The following ADGRB3 variants were observed in gnomAD, a reference collection of about 807,000 sequenced individuals.
ADGRB3 encodes the protein adhesion G protein-coupled receptor B3, also known as brain-specific angiogenesis inhibitor 3.
In ADGRB3, 37 loss-of-function variants were observed where a neutral mutation model predicts 193.4. The observed-to-expected ratio is 0.19, with a 90% CI of 0.15 to 0.25. ADGRB3 has a LOEUF of 0.25. Ranked by LOEUF, ADGRB3 falls within the 10% of genes least tolerant of loss-of-function variation. The probability of loss-of-function intolerance (pLI) is 1.00; values close to 1 mark genes in which losing one functional copy is unlikely to be tolerated. For missense variants in ADGRB3, 1,637 were observed against 1,852.9 expected (o/e 0.88, Z 2.14); for synonymous variants, 690 against 644.2 (o/e 1.07, Z -1.08).
intron 3 of ADGRB3, among the ~76,000 whole-genome samples, chr6:68,833,359 A>G (rs905478626): frequency 1.3e-5 from 2 of 151,744 alleles, no homozygotes; most frequent in Admixed American, 6.6e-5. Flanking sequence ...TACAAATATT[A>G]TAGTTCTTTA....
intron 3 of ADGRB3, among the ~76,000 whole-genome samples, chr6:68,724,213 C>T (rs1028064748): frequency 6.6e-6 from 1 of 151,384 alleles, no homozygotes; most frequent in African/African-American, 2.4e-5. Flanking sequence ...AAATACTTTC[C>T]AGGGTCATGT....
intron 17 of ADGRB3, among the ~76,000 whole-genome samples, chr6:69,128,490 C>T (rs774031840): frequency 2.0e-5 from 3 of 152,066 alleles, no homozygotes; most frequent in Non-Finnish European, 4.4e-5. Context: ...TACATAGTAA[C>T]TGTAATCATA....
At chr6:69,322,703 A>G (rs777804037) in intron 20 of ADGRB3, among the ~76,000 whole-genome samples, 19 of 151,090 alleles carry the variant, frequency 1.3e-4, no homozygotes, top group Non-Finnish European at 2.5e-4. Context: ...CTTTTTTTCT[A>G]TTTTTCAAGA....
At chr6:68,876,611 A>G (rs1040851299) in intron 3 of ADGRB3, among the ~76,000 whole-genome samples, 12 of 152,138 alleles carry the variant, frequency 7.9e-5, no homozygotes, top group Non-Finnish European at 1.5e-5. Flanking sequence ...TGACCAAAAT[A>G]TTTTGTTTTC....
At chr6:68,918,526 T>C (rs1766943267) in intron 3 of ADGRB3, among the ~76,000 whole-genome samples, 1 of 152,200 alleles carries the variant, frequency 6.6e-6, no homozygotes, top group Non-Finnish European at 1.5e-5. Flanking sequence ...ATCAAGGTGC[T>C]CCCAAATTCT....
At chr6:68,680,051 T>G (rs1764859066) in intron 3 of ADGRB3, among the ~76,000 whole-genome samples, 1 of 152,080 alleles carries the variant, frequency 6.6e-6, no homozygotes, top group Non-Finnish European at 1.5e-5. Context: ...TTTCACTATG[T>G]GAGGACATAG....
intron 16 of ADGRB3, among the ~76,000 whole-genome samples, chr6:69,069,402 C>G (rs1440800051): frequency 6.6e-6 from 1 of 151,552 alleles, no homozygotes; most frequent in Non-Finnish European, 1.5e-5. Context: ...CTACTAATGT[C>G]TTGCTTCCCT....
At chr6:68,945,803 A>T (rs1463787471) in intron 6 of ADGRB3, among the ~76,000 whole-genome samples, 1 of 152,162 alleles carries the variant, frequency 6.6e-6, no homozygotes, top group Non-Finnish European at 1.5e-5. Context: ...GCTATGTTAC[A>T]GTTCAGATGT....
At chr6:69,315,543 T>C (rs1202320382) in intron 20 of ADGRB3, among the ~76,000 whole-genome samples, 2 of 151,514 alleles carry the variant, frequency 1.3e-5, no homozygotes, top group African/African-American at 2.4e-5. Context: ...ATTTTTAGTC[T>C]GCAAGAACTG....
intron 11 of ADGRB3, among the ~76,000 whole-genome samples, chr6:69,003,628 T>C (rs1769650348): frequency 6.6e-6 from 1 of 152,154 alleles, no homozygotes; most frequent in South Asian, 2.1e-4. Context: ...TGTTTCTCTG[T>C]GGTATAGAAA....
rs138545722 is a variant in ADGRB3 at position 69,382,584 on chromosome 6, T to C, written c.4276-247T>C. Among the ~76,000 whole-genome samples the C allele has an allele frequency of 4.2e-3, 642 of 152,042 alleles. 4 individuals carry two copies. The highest frequency in any genetic ancestry group is 5.4e-3 in the Non-Finnish European group (369 of 67,892). On this transcript the variant is annotated intron_variant, in intron 30 of 31. Coordinates refer to ENST00000370598, the MANE Select transcript of ADGRB3 (RefSeq NM_001704.3). The stretch of plus-strand genomic sequence containing the variant: ...AGAAATGACTGGTACATTTTTAATG[T>C]ACCCACAACAAAACCTTTTTTTTGT...
chr6:69,200,928 C>G (rs1217730659), intron 17 of ADGRB3, among the ~76,000 whole-genome samples: 6 of 152,048 alleles, frequency 3.9e-5, no homozygotes, highest in Non-Finnish European at 8.8e-5. Flanking sequence ...ATCCATCTTT[C>G]TATCATTATT....
chr6:69,118,064 G>T (rs1339276789), intron 17 of ADGRB3, among the ~76,000 whole-genome samples: 1 of 152,116 alleles, frequency 6.6e-6, no homozygotes, highest in African/African-American at 2.4e-5. Context: ...AATAAGAGCT[G>T]CTCTAGAAAT....
chr6:69,352,923 A>G lies in ADGRB3; in HGVS notation c.3460-1310A>G, dbSNP rs1019363121. Among the ~76,000 whole-genome samples, 15 of 152,250 alleles carry G rather than the reference A, an allele frequency of 9.9e-5. 1 individual carries two copies. Among genetic ancestry groups the G allele is most frequent in the Admixed American group, 8.5e-4 (13 of 15,280 alleles). On this transcript the variant is annotated intron_variant, in intron 26 of 31. Transcript: ENST00000370598. ...CCCTATAATGATGCATCAGTAAAAT[A>G]GGGAAAACATCATCTATGATTTGTT...
chr6:68,812,976 AG>A (rs1159553623), intron 3 of ADGRB3, among the ~76,000 whole-genome samples: 4 of 152,190 alleles, frequency 2.6e-5, no homozygotes, highest in African/African-American at 9.6e-5. Context: ...TTTGAACTTT[AG>A]GAATTTTAAT....
chr6:69,051,913 G>A (rs996968157), intron 15 of ADGRB3, among the ~76,000 whole-genome samples: 1 of 150,634 alleles, frequency 6.6e-6, no homozygotes, highest in Non-Finnish European at 1.5e-5. Context: ...CTTTTTTTTT[G>A]AGACGGAGTC....
At chr6:68,949,170 G>T (rs1476153439) in intron 6 of ADGRB3, among the ~76,000 whole-genome samples, 2 of 152,024 alleles carry the variant, frequency 1.3e-5, no homozygotes, top group Non-Finnish European at 2.9e-5. Flanking sequence ...GGAGTATTAT[G>T]ATAATTATTG....
intron 6 of ADGRB3, among the ~76,000 whole-genome samples, chr6:68,951,767 G>A (rs188252913): frequency 6.6e-6 from 1 of 152,110 alleles, no homozygotes; most frequent in African/African-American, 2.4e-5. Flanking sequence ...GACCCTGAGA[G>A]GTCCCTCTTA....
At chr6:69,008,430 G>A (rs1349909650) in intron 11 of ADGRB3, among the ~76,000 whole-genome samples, 1 of 152,006 alleles carries the variant, frequency 6.6e-6, no homozygotes, top group Non-Finnish European at 1.5e-5. Flanking sequence ...TCTCCTTTAG[G>A]CCTTAATAAT....
Sources: gnomAD v4.1 joint callset for allele counts (sites outside exome capture counted in the v4.1 genomes callset) on GRCh38, gnomAD v4.1.1 for gene constraint, MANE v1.5 for transcripts, NCBI Gene and HGNC (gene_info 2026-07-23, HGNC 2026-07-21) for gene names.